Variants in HMGCS2 observed in about 807,000 individuals in gnomAD.
HMGCS2 encodes 3-hydroxy-3-methylglutaryl-CoA synthase 2.
A neutral mutation model predicts 57.4 loss-of-function variants in HMGCS2; 50 were observed. The ratio of observed to expected loss-of-function variants is 0.87; its 90% confidence interval spans 0.69 to 1.10. HMGCS2 has a LOEUF of 1.10. HMGCS2 is among the 50% of genes least tolerant of loss of function. The pLI is 0.00. For missense variants in HMGCS2, 627 were observed against 636.5 expected (o/e 0.99, Z 0.16); for synonymous variants, 254 against 245.1 (o/e 1.04, Z -0.34).
Position 119,768,756 on chromosome 1 carries a change from G to A in HMGCS2, c.89C>T (p.Pro30Leu). The change falls in exon 1 of 10, where the codon CCA becomes CTA. Residue 30 changes from proline to leucine, a missense_variant. By Grantham distance (98) the Pro-to-Leu change is moderately conservative (BLOSUM62 -3). Coordinates refer to ENST00000369406, the MANE Select transcript of HMGCS2 (RefSeq NM_005518.4). ...AGTGACTCACCTTTGGTGGGCTACTGGGAGCAGGCGAGCAGGTGTGAGGGA... is the reference window on the plus strand; with the variant it reads ...AGTGACTCACCTTTGGTGGGCTACTAGGAGCAGGCGAGCAGGTGTGAGGGA... ...ETSLTPARLL[P>L]VAHQRFSTAS... The A allele has an allele frequency of 1.2e-6, 2 of 1,613,180 alleles. No homozygotes were observed. Among genetic ancestry groups the A allele is most frequent in the Non-Finnish European group, 1.7e-6 (2 of 1,179,142 alleles).
In HMGCS2 at chr1:119,752,664, C is replaced by T; in HGVS notation, c.1305G>A (p.Leu435=). The T allele has an allele frequency of 6.2e-7, 1 of 1,614,034 alleles. No individual in the cohort carries two copies. The highest frequency in any genetic ancestry group is 8.5e-7 in the Non-Finnish European group (1 of 1,179,974). The change falls in exon 8 of 10, where the codon CTG becomes CTA. Residue 435 remains leucine, a synonymous_variant. Coordinates refer to ENST00000369406, the MANE Select transcript of HMGCS2 (RefSeq NM_005518.4). ...VSQDAAPGSP[L]DKLVSSTSDL... ...CTGATGTGCTGGACACCAACTTGTC[C>T]AGGGGAGAGCCTGGGAAGCAAAAGC...
At chr1:119,759,450 T>C in intron 3 of HMGCS2, 168 bp from the exon 4 acceptor site, 8 of 708,524 alleles carry the variant, frequency 1.1e-5, no homozygotes, top group Non-Finnish European at 2.0e-5. Context: ...GGACAGGTTG[T>C]TGGTATTACA....
chr1:119,767,036 T>C (rs1489081555), intron 1 of HMGCS2, among the ~76,000 whole-genome samples: 1 of 152,200 alleles, frequency 6.6e-6, no homozygotes, highest in Non-Finnish European at 1.5e-5. Context: ...CTGTATTCCA[T>C]CTTGCCTCCT....
At chr1:119,763,152 C>G (rs1206416491) in intron 2 of HMGCS2, among the ~76,000 whole-genome samples, 1 of 152,172 alleles carries the variant, frequency 6.6e-6, no homozygotes, top group Non-Finnish European at 1.5e-5. Flanking sequence ...CTGGAATGAA[C>G]TTTTGTAATT....
chr1:119,752,514 G>A (rs773172495), intron 8 of HMGCS2, 35 bp downstream of exon 8: 1 of 1,610,566 alleles, frequency 6.2e-7, no homozygotes, highest in Admixed American at 1.7e-5. Context: ...ACTGGAATGG[G>A]GTCTCTCTTC....
chr1:119,750,220 C>T (rs1392543604), intron 9 of HMGCS2, among the ~76,000 whole-genome samples: 2 of 152,252 alleles, frequency 1.3e-5, no homozygotes, highest in Admixed American at 1.3e-4. Context: ...ATGAATCTGT[C>T]TCCCACACAT....
intron 2 of HMGCS2, among the ~76,000 whole-genome samples, chr1:119,760,487 A>G (rs1341567916): frequency 1.3e-5 from 2 of 152,234 alleles, no homozygotes; most frequent in African/African-American, 4.8e-5. Flanking sequence ...TAACTAGTGT[A>G]AGGTCACATA....
rs1289307889 is a variant in HMGCS2, at chr1:119,759,993, T to A, written c.560-4A>T. ...CAGACCACCATGGCATAACGACCTG[T>A]AAAGAGAAACAAGAAATATTTACCA... is the stretch of plus-strand genomic sequence containing the variant. On this transcript the variant is annotated splice_polypyrimidine_tract_variant and splice_region_variant and intron_variant, in intron 2 of 9. Transcript: ENST00000369406. 1 of 1,613,570 alleles carries A rather than the reference T, an allele frequency of 6.2e-7. No individual in the cohort carries two copies. Among genetic ancestry groups the A allele is most frequent in the Non-Finnish European group, 8.5e-7 (1 of 1,179,716 alleles).
At chr1:119,768,925 G>T, upstream of HMGCS2, 1 of 999,392 alleles carries the variant, frequency 1.0e-6, no homozygotes. Flanking sequence ...TGCCCGGCAG[G>T]ACTTTATAAA....
chr1:119,759,742 G>T (rs1652972962), intron 3 of HMGCS2, 122 bp downstream of exon 3: 13 of 1,226,532 alleles, frequency 1.1e-5, no homozygotes, highest in South Asian at 4.9e-5. Context: ...CTTTTTAGAG[G>T]CAAGCAATAC....
At position 119,768,802 on chromosome 1, in the gene HMGCS2, T is replaced by A. The variant is rs1286736541; in HGVS notation, c.43A>T (p.Thr15Ser). 6.2e-7 allele frequency: 1 copy of A among 1,614,090 alleles called. No individual in the cohort carries two copies. The highest frequency in any genetic ancestry group is 1.7e-5 in the Admixed American group (1 of 60,018). ...LTPVKRILQL[T>S]RAVQETSLTP... is the part of the protein sequence containing the mutation. ...AGGGAGGTTTCCTGCACCGCTCTTG[T>A]CAGTTGCAGAATGCGCTTCACTGGA... The change falls in exon 1 of 10, where the codon ACA becomes TCA. Residue 15 changes from threonine to serine, a missense_variant. Physicochemically the swap from Thr to Ser is moderately conservative, Grantham distance 58. Coordinates refer to ENST00000369406, the MANE Select transcript of HMGCS2 (RefSeq NM_005518.4).
At chr1:119,749,597 A>G (rs1652582351) in intron 9 of HMGCS2, among the ~76,000 whole-genome samples, 2 of 151,776 alleles carry the variant, frequency 1.3e-5, no homozygotes. Flanking sequence ...CCACTTGTCC[A>G]CCTCTCCTAG....
intron 7 of HMGCS2, among the ~76,000 whole-genome samples, chr1:119,753,053 C>T (rs1378026925): frequency 2.0e-5 from 3 of 152,146 alleles, no homozygotes; most frequent in Admixed American, 6.6e-5. Context: ...TCCCCATATC[C>T]AGCTTTGTTC....
At chr1:119,758,785 A>C (rs1182933949) in intron 4 of HMGCS2, among the ~76,000 whole-genome samples, 1 of 152,230 alleles carries the variant, frequency 6.6e-6, no homozygotes, top group Non-Finnish European at 1.5e-5. Context: ...AACCAGAAAC[A>C]AATGCCAACC....
rs138351234 is a variant in HMGCS2, at chr1:119,759,383, G to A, written c.686-101C>T. Reference sequence around the variant, plus strand: ...TAAAGGAGGTTTCTGGTCATTATCTGTGTCCCATGCCCAAGTTCAAGCCCA... The same window carrying A: ...TAAAGGAGGTTTCTGGTCATTATCTATGTCCCATGCCCAAGTTCAAGCCCA... On this transcript the variant is annotated intron_variant, in intron 3 of 9. Transcript: ENST00000369406. The A allele has an allele frequency of 3.2e-5, 38 of 1,174,864 alleles. No individual in the cohort carries two copies. The African/African-American group carries it at 4.8e-4, about 15-fold the overall frequency. The allele number at this position is 1,174,864 out of a possible 1,614,324, so 72.8% of individuals were successfully genotyped here.
Position 119,755,533 on chromosome 1 carries a change from G to C in HMGCS2, c.1081C>G (p.Gln361Glu). 2.5e-6 allele frequency: 4 copies of C among 1,614,076 alleles called. No homozygotes were observed. The highest frequency in any genetic ancestry group is 3.4e-6 in the Non-Finnish European group (4 of 1,179,962). Residue 361 changes from glutamine to glutamate, a missense_variant, in exon 6 of 10, where the codon CAG (glutamine) becomes GAG (glutamate). Coordinates refer to ENST00000369406, the MANE Select transcript of HMGCS2 (RefSeq NM_005518.4). ...DLDKALLKAS[Q>E]DMFDKKTKAS... is the part of the protein sequence containing the mutation. ...TTGGTTTTCTTGTCGAACATGTCCT[G>C]AGAGGCCTTTAGAAGTGCTTTATCC...
intron 2 of HMGCS2, among the ~76,000 whole-genome samples, chr1:119,761,072 CATGTGTG>C (rs1300336816): frequency 6.7e-6 from 1 of 149,610 alleles, no homozygotes; most frequent in Admixed American, 6.7e-5. Context: ...ATGCTATGTG[CATGTGTG>C]TGTGTGTATA....
intron 8 of HMGCS2, among the ~76,000 whole-genome samples, chr1:119,751,479 C>T (rs1031655067): frequency 6.6e-6 from 1 of 151,558 alleles, no homozygotes; most frequent in Non-Finnish European, 1.5e-5. Flanking sequence ...TAATTCTCCT[C>T]AGCCTCCTGA....
intron 9 of HMGCS2, among the ~76,000 whole-genome samples, chr1:119,749,778 C>T (rs769662267): frequency 2.0e-4 from 31 of 152,114 alleles, no homozygotes; most frequent in South Asian, 4.1e-4. Flanking sequence ...TTCCCTGCCT[C>T]GGCACACCTT....
Sources: gnomAD v4.1 joint callset for allele counts (sites outside exome capture counted in the v4.1 genomes callset) on GRCh38, gnomAD v4.1.1 for gene constraint, MANE v1.5 for transcripts, NCBI Gene and HGNC (gene_info 2026-07-23, HGNC 2026-07-21) for gene names.